The following PCMT1 variants were observed in gnomAD, a reference collection of about 807,000 sequenced individuals.
PCMT1 encodes protein-L-isoaspartate(D-aspartate) O-methyltransferase.
A neutral mutation model predicts 29.2 loss-of-function variants in PCMT1; 9 were observed. The observed-to-expected ratio is 0.31, with a 90% CI of 0.19 to 0.54. The LOEUF is 0.54. Ranked by LOEUF, PCMT1 falls within the 20% of genes least tolerant of loss-of-function variation. The probability of loss-of-function intolerance (pLI) is 0.95; values close to 1 mark genes in which losing one functional copy is unlikely to be tolerated. For synonymous variants in PCMT1, 98 were observed against 97.5 expected, an observed-to-expected ratio of 1.00 and a Z score of -0.03; for missense variants, 184 against 282.2, an observed-to-expected ratio of 0.65 and a Z score of 2.49.
At chr6:149,809,225 C>T (rs1309473193) in intron 7 of PCMT1, among the ~76,000 whole-genome samples, 2 of 121,490 alleles carry the variant, frequency 1.6e-5, no homozygotes, top group Non-Finnish European at 3.2e-5. Context: ...CACCACTGCA[C>T]TCCAGCCTAG....
Position 149,796,547 on chromosome 6 carries a change from T to C in PCMT1, c.504+47T>C, listed in dbSNP as rs1201928631. On this transcript the variant is annotated intron_variant, in intron 6 of 7. Coordinates refer to ENST00000464889, the MANE Select transcript of PCMT1 (RefSeq NM_001360452.2). ...TTGTGTGTTTTTATTCAACTAAAAC[T>C]CTACAAGACTTAAATAGAAAAGACT... 1.1e-5 allele frequency: 14 copies of C among 1,271,698 alleles called. No individual in the cohort carries two copies. In the East Asian group the frequency reaches 3.3e-4, roughly 30 times the overall value. The allele number at this position is 1,271,698 out of a possible 1,614,324, so 78.8% of individuals were successfully genotyped here. A position where few individuals can be genotyped will look rare whatever the true frequency, so the allele number is the denominator to read the frequency against.
chr6:149,789,609 A>G (rs907212082), intron 3 of PCMT1, among the ~76,000 whole-genome samples: 1 of 152,134 alleles, frequency 6.6e-6, no homozygotes, highest in African/African-American at 2.4e-5. Context: ...AAGGAGTCAC[A>G]AGAAACTAGT....
intron 1 of PCMT1, among the ~76,000 whole-genome samples, chr6:149,752,344 C>T (rs1400840645): frequency 6.6e-6 from 1 of 151,898 alleles, no homozygotes; most frequent in Non-Finnish European, 1.5e-5. Context: ...ATTACAGGCA[C>T]CCACTACCAC....
At chr6:149,786,659 C>T (rs1187993994) in intron 3 of PCMT1, among the ~76,000 whole-genome samples, 1 of 149,148 alleles carries the variant, frequency 6.7e-6, no homozygotes, top group East Asian at 2.0e-4. Flanking sequence ...GGCAGAGACG[C>T]TCCTCACCTC....
intron 3 of PCMT1, among the ~76,000 whole-genome samples, chr6:149,782,472 A>G (rs529666050): frequency 1.3e-5 from 2 of 152,324 alleles, no homozygotes; most frequent in Non-Finnish European, 2.9e-5. Flanking sequence ...ATCTGTTAAA[A>G]TGGTATCCTG....
chr6:149,790,084 C>A, intron 4 of PCMT1, 26 bp downstream of exon 4: 1 of 1,309,866 alleles, frequency 7.6e-7, no homozygotes, highest in Non-Finnish European at 1.1e-6. Flanking sequence ...CTCACTCTGG[C>A]CCCAACAGAA....
In PCMT1 at chr6:149,810,735, ACT is replaced by A; in HGVS notation, c.*158_*159del. On this transcript the variant is annotated 3_prime_UTR_variant, in exon 8 of 8. Coordinates refer to ENST00000464889, the MANE Select transcript of PCMT1 (RefSeq NM_001360452.2). ...CACAGCTTGTTTTGGACTTTGTTAC[ACT>A]GTTATTTTCAGCATGAAAATGTGTG... The A allele has an allele frequency of 1.2e-6, 1 of 822,678 alleles. No individual in the cohort carries two copies. The highest frequency in any genetic ancestry group is 1.9e-6 in the Non-Finnish European group (1 of 514,502). The allele number at this position is 822,678 out of a possible 1,614,324, so 51.0% of individuals were successfully genotyped here.
chr6:149,773,012 C>T, intron 2 of PCMT1, 126 bp from the exon 3 acceptor site: 3 of 692,176 alleles, frequency 4.3e-6, no homozygotes, highest in Non-Finnish European at 6.8e-6. Flanking sequence ...GTGAGACTGT[C>T]TCAGAAAAAA....
intron 1 of PCMT1, 57 bp downstream of exon 1, chr6:149,750,013 G>A: frequency 6.4e-7 from 1 of 1,556,962 alleles, no homozygotes; most frequent in Non-Finnish European, 8.7e-7. Flanking sequence ...CCTGGACCGG[G>A]TCCCCCTGGG....
intron 1 of PCMT1, among the ~76,000 whole-genome samples, chr6:149,759,068 G>C (rs1026590769): frequency 2.6e-5 from 4 of 152,088 alleles, no homozygotes; most frequent in African/African-American, 7.2e-5. Flanking sequence ...GTAGAGACAG[G>C]GTTTCACCAA....
At position 149,810,673 on chromosome 6, in the gene PCMT1, A is replaced by G. The variant is rs2115357849; in HGVS notation, c.*95A>G. 1 of 1,478,400 alleles carries G rather than the reference A, an allele frequency of 6.8e-7. No individual in the cohort carries two copies. Among genetic ancestry groups the G allele is most frequent in the African/African-American group, 1.4e-5 (1 of 71,664 alleles). The allele number at this position is 1,478,400 out of a possible 1,614,324, so 91.6% of individuals were successfully genotyped here. On this transcript the variant is annotated 3_prime_UTR_variant, in exon 8 of 8. Transcript: ENST00000464889. Reference sequence around the variant, plus strand: ...AGTATAAAATTACAGTGGATTGCTCATCTCAGTCCTCAAAGCTTTTTGAAA... The same window carrying G: ...AGTATAAAATTACAGTGGATTGCTCGTCTCAGTCCTCAAAGCTTTTTGAAA...
chr6:149,751,476 CTTTTTTTTTTTTTT>C (rs76128652), intron 1 of PCMT1, among the ~76,000 whole-genome samples: 1 of 116,558 alleles, frequency 8.6e-6, no homozygotes, highest in Non-Finnish European at 1.7e-5. Flanking sequence ...ATGGTTGGTA[CTTTTTTTTTTTTTT>C]TTTTTTTTTG....
At chr6:149,756,528 T>A (rs1359945079) in intron 1 of PCMT1, among the ~76,000 whole-genome samples, 2 of 141,244 alleles carry the variant, frequency 1.4e-5, no homozygotes, top group African/African-American at 5.3e-5. Context: ...TTTTTTTTTT[T>A]TTTTTTTTTT....
At chr6:149,756,881 G>A (rs1198218625) in intron 1 of PCMT1, among the ~76,000 whole-genome samples, 2 of 151,886 alleles carry the variant, frequency 1.3e-5, no homozygotes, top group African/African-American at 4.8e-5. Context: ...TTGGCCGGGC[G>A]TGGTGGGTCA....
intron 3 of PCMT1, among the ~76,000 whole-genome samples, chr6:149,787,700 C>A (rs1788180085): frequency 6.6e-6 from 1 of 151,962 alleles, no homozygotes; most frequent in Non-Finnish European, 1.5e-5. Flanking sequence ...TTCTGACTTA[C>A]AGAAATATTA....
At chr6:149,761,420 C>G (rs888150467) in intron 1 of PCMT1, among the ~76,000 whole-genome samples, 8 of 152,108 alleles carry the variant, frequency 5.3e-5, no homozygotes, top group Admixed American at 2.0e-4. Context: ...TCGCCATTCC[C>G]AGACTCATTG....
intron 7 of PCMT1, among the ~76,000 whole-genome samples, chr6:149,804,905 A>G (rs891662752): frequency 1.3e-5 from 2 of 151,936 alleles, no homozygotes; most frequent in African/African-American, 4.8e-5. Context: ...CCCCCACAAA[A>G]CCTGAATCCA....
intron 1 of PCMT1, among the ~76,000 whole-genome samples, chr6:149,769,378 G>T (rs1168894632): frequency 7.5e-6 from 1 of 133,956 alleles, no homozygotes. Context: ...TCAGTGGCAC[G>T]ATCTCGGCTC....
chr6:149,797,100 C>G (rs1276395414), intron 6 of PCMT1: 1 of 152,224 alleles, frequency 6.6e-6, no homozygotes, highest in African/African-American at 2.4e-5. Flanking sequence ...AGGTGTGAGC[C>G]ACTGCACCCG....
Sources: allele counts gnomAD v4.1 joint callset (sites outside exome capture counted in the v4.1 genomes callset), GRCh38; gene constraint gnomAD v4.1.1; transcripts MANE v1.5; gene names NCBI Gene and HGNC (gene_info 2026-07-23, HGNC 2026-07-21).